The following IQCJ variants were observed in gnomAD, a reference collection of about 807,000 sequenced individuals.
The protein encoded by IQCJ is IQ motif containing J, also known as IQ domain-containing protein J.
In IQCJ, 9 loss-of-function variants were observed where a neutral mutation model predicts 11.0. That is an observed-to-expected ratio of 0.82 (90% CI 0.49 to 1.43). The LOEUF is 1.43. Ranked by LOEUF, IQCJ falls within the 40% of genes most tolerant of loss-of-function variation. The pLI is 0.00. For synonymous variants in IQCJ, 55 were observed against 51.3 expected, an observed-to-expected ratio of 1.07 and a Z score of -0.31; for missense variants, 146 against 133.2, an observed-to-expected ratio of 1.10 and a Z score of -0.47.
chr3:159,199,398 A>G (rs547585100), intron 1 of IQCJ, among the ~76,000 whole-genome samples: 1 of 152,188 alleles, frequency 6.6e-6, no homozygotes, highest in Non-Finnish European at 1.5e-5. Flanking sequence ...TATGCACTGG[A>G]AAAGAAACAG....
At chr3:159,213,924 T>G (rs1725083572) in intron 1 of IQCJ, among the ~76,000 whole-genome samples, 1 of 152,204 alleles carries the variant, frequency 6.6e-6, no homozygotes, top group African/African-American at 2.4e-5. Context: ...CTGCTGATTT[T>G]CAATCTACTT....
chr3:159,196,161 C>T lies in IQCJ; in HGVS notation c.10-49682C>T, dbSNP rs144893609. 9.9e-5 allele frequency among the ~76,000 whole-genome samples: 15 copies of T among 152,258 alleles called. No individual in the cohort carries two copies. In the South Asian group the frequency reaches 1.2e-3, roughly 13 times the overall value. On this transcript the variant is annotated intron_variant, in intron 1 of 3. Coordinates refer to ENST00000397832, the MANE Select transcript of IQCJ (RefSeq NM_001042706.3). ...GTAGTGGAGCTGTGATTTGAACCTACGCCTAATTTCAGAGCCCATGCTCAC... is the reference window on the plus strand; with the variant it reads ...GTAGTGGAGCTGTGATTTGAACCTATGCCTAATTTCAGAGCCCATGCTCAC...
intron 1 of IQCJ, among the ~76,000 whole-genome samples, chr3:159,094,202 C>T (rs543645616): frequency 3.9e-4 from 59 of 151,696 alleles, no homozygotes; most frequent in South Asian, 1.2e-3. Flanking sequence ...GTCCAGACCA[C>T]GACAGCCACT....
intron 1 of IQCJ, among the ~76,000 whole-genome samples, chr3:159,093,248 A>G (rs1717468104): frequency 6.6e-6 from 1 of 151,812 alleles, no homozygotes; most frequent in Admixed American, 6.5e-5. Flanking sequence ...CAATTTGGCA[A>G]GAAGCATTTA....
chr3:159,168,325 C>T (rs916956891), intron 1 of IQCJ, among the ~76,000 whole-genome samples: 4 of 152,234 alleles, frequency 2.6e-5, no homozygotes, highest in South Asian at 2.1e-4. Flanking sequence ...AAAACAGGAA[C>T]GCTTAACAGG....
At chr3:159,213,489 A>T (rs1044695082) in intron 1 of IQCJ, among the ~76,000 whole-genome samples, 1 of 152,214 alleles carries the variant, frequency 6.6e-6, no homozygotes. Context: ...GAGACTATAT[A>T]TATTGAAGCA....
chr3:159,219,125 A>G (rs909762993), intron 1 of IQCJ, among the ~76,000 whole-genome samples: 1 of 152,054 alleles, frequency 6.6e-6, no homozygotes, highest in African/African-American at 2.4e-5. Flanking sequence ...TTTGCCATGT[A>G]AGGTACCAAA....
chr3:159,228,167 G>A (rs551697274), intron 1 of IQCJ, among the ~76,000 whole-genome samples: 3 of 152,192 alleles, frequency 2.0e-5, no homozygotes, highest in Non-Finnish European at 4.4e-5. Context: ...TAACAGTTGT[G>A]TCAATATCTT....
At chr3:159,132,745 C>G (rs1338128639) in intron 1 of IQCJ, among the ~76,000 whole-genome samples, 1 of 152,080 alleles carries the variant, frequency 6.6e-6, no homozygotes, top group East Asian at 1.9e-4. Flanking sequence ...CTAATGAATT[C>G]AAAAGCATAA....
intron 1 of IQCJ, among the ~76,000 whole-genome samples, chr3:159,209,580 G>A (rs1482576954): frequency 3.3e-5 from 5 of 152,142 alleles, no homozygotes; most frequent in African/African-American, 1.2e-4. Context: ...GGCACTGCTT[G>A]TAACACACGT....
chr3:159,069,351 G>A lies in IQCJ; in HGVS notation c.-82G>A, dbSNP rs1715376874. 1.3e-6 allele frequency: 2 copies of A among 1,543,990 alleles called. No homozygotes were observed. The highest frequency in any genetic ancestry group is 2.5e-5 in the South Asian group (2 of 78,626). On this transcript the variant is annotated 5_prime_UTR_variant, in exon 1 of 4. Transcript: ENST00000397832. ...CCTCACATTCCCCCACAGTCACATT[G>A]CGCTCTGTGATTCTGAGGAATACAG...
At chr3:159,086,538 T>C (rs1189536130) in intron 1 of IQCJ, among the ~76,000 whole-genome samples, 18 of 152,204 alleles carry the variant, frequency 1.2e-4, no homozygotes, top group African/African-American at 3.9e-4. Flanking sequence ...ATTGATTCTT[T>C]CTACCCGTGA....
At chr3:159,170,304 G>A (rs1447651519) in intron 1 of IQCJ, among the ~76,000 whole-genome samples, 1 of 151,970 alleles carries the variant, frequency 6.6e-6, no homozygotes, top group Non-Finnish European at 1.5e-5. Flanking sequence ...TGGAAAGCAA[G>A]GAGGAAGGGA....
At chr3:159,151,264 C>A (rs2108202235) in intron 1 of IQCJ, among the ~76,000 whole-genome samples, 1 of 152,330 alleles carries the variant, frequency 6.6e-6, no homozygotes, top group South Asian at 2.1e-4. Flanking sequence ...GCTCTGTCAG[C>A]CCACACCCTC....
At chr3:159,145,368 G>T (rs1560002256) in intron 1 of IQCJ, among the ~76,000 whole-genome samples, 1 of 152,152 alleles carries the variant, frequency 6.6e-6, no homozygotes, top group Non-Finnish European at 1.5e-5. Context: ...TCTGTTTACT[G>T]TTAATTCATC....
At chr3:159,121,302 CA>C (rs1719368101) in intron 1 of IQCJ, among the ~76,000 whole-genome samples, 1 of 151,646 alleles carries the variant, frequency 6.6e-6, no homozygotes, top group Non-Finnish European at 1.5e-5. Flanking sequence ...CCCGGCTAAT[CA>C]AAAAAATTTT....
At position 159,262,920 on chromosome 3, in the gene IQCJ, G is replaced by T. The variant is rs1392766729; in HGVS notation, c.*189G>T. On this transcript the variant is annotated 3_prime_UTR_variant, in exon 4 of 4. Coordinates refer to ENST00000397832, the MANE Select transcript of IQCJ (RefSeq NM_001042706.3). ...TCTGGAGAAAATAGATTGCATTTAT[G>T]TGTTCTCATTTCTCTATTATGGAGG... 6 of 1,361,610 alleles carry T rather than the reference G, an allele frequency of 4.4e-6. No individual in the cohort carries two copies. The East Asian group carries it at 7.8e-5, about 18-fold the overall frequency. 84.3% of individuals were successfully genotyped at this position (1,361,610 alleles called of 1,614,324 possible).
intron 1 of IQCJ, among the ~76,000 whole-genome samples, chr3:159,178,985 T>C (rs551195216): frequency 6.6e-6 from 1 of 152,262 alleles, no homozygotes; most frequent in African/African-American, 2.4e-5. Flanking sequence ...CACATGCATA[T>C]AATTATGCTA....
chr3:159,170,833 C>T (rs530606655), intron 1 of IQCJ, among the ~76,000 whole-genome samples: 24 of 152,174 alleles, frequency 1.6e-4, no homozygotes, highest in African/African-American at 5.3e-4. Context: ...TCTCATAGCC[C>T]AAGTTAAAAA....
Sources: gnomAD v4.1 joint callset for allele counts (sites outside exome capture counted in the v4.1 genomes callset) on GRCh38, gnomAD v4.1.1 for gene constraint, MANE v1.5 for transcripts, NCBI Gene and HGNC (gene_info 2026-07-23, HGNC 2026-07-21) for gene names.